Variants in PEBP4 observed in about 807,000 individuals in gnomAD.
PEBP4 encodes phosphatidylethanolamine-binding protein 4.
A neutral mutation model predicts 23.9 loss-of-function variants in PEBP4; 22 were observed. That is an observed-to-expected ratio of 0.92 (90% confidence interval 0.66 to 1.31). The LOEUF is 1.31. Ranked by LOEUF, PEBP4 falls within the 40% of genes most tolerant of loss-of-function variation. PEBP4 has a pLI of 0.00. For synonymous variants in PEBP4, 112 were observed against 99.3 expected (o/e 1.13, Z -0.76); for missense variants, 324 against 281.7 (o/e 1.15, Z -1.07).
At chr8:22,729,207 G>A (rs1472846843) in intron 4 of PEBP4, among the ~76,000 whole-genome samples, 2 of 152,224 alleles carry the variant, frequency 1.3e-5, no homozygotes, top group African/African-American at 4.8e-5. Context: ...CTTGACAGAT[G>A]CCTAGCAGCC....
At chr8:22,852,750 G>A (rs984846096) in intron 3 of PEBP4, among the ~76,000 whole-genome samples, 8 of 151,782 alleles carry the variant, frequency 5.3e-5, no homozygotes, top group Non-Finnish European at 1.0e-4. Context: ...TAAATACATC[G>A]ATGAGGCATC....
intron 4 of PEBP4, among the ~76,000 whole-genome samples, chr8:22,794,740 T>C (rs1043607739): frequency 2.0e-4 from 30 of 152,224 alleles, no homozygotes; most frequent in African/African-American, 7.2e-4. Flanking sequence ...TTTTATGAGC[T>C]CAGATTGGTC....
chr8:22,713,260 A>AT lies in PEBP4; in HGVS notation c.*109dup, dbSNP rs768291538. ...GATACAAAGCACCAAGCCCTGGATG[A>AT]TTTTTTTTTTATTTGGAAAAGAAGG... On this transcript the variant is annotated 3_prime_UTR_variant, in exon 7 of 7. Coordinates refer to ENST00000256404, the MANE Select transcript of PEBP4 (RefSeq NM_144962.3). 9.7e-4 allele frequency: 1,289 copies of AT among 1,324,440 alleles called. 1 individual carries two copies. Among genetic ancestry groups the AT allele is most frequent in the Admixed American group, 3.4e-3 (105 of 30,648 alleles). 82.0% of individuals were successfully genotyped at this position (1,324,440 alleles called of 1,614,324 possible). A position where few individuals can be genotyped will look rare whatever the true frequency, so the allele number is the denominator to read the frequency against.
At chr8:22,860,417 C>T (rs1807752748) in intron 3 of PEBP4, among the ~76,000 whole-genome samples, 1 of 152,002 alleles carries the variant, frequency 6.6e-6, no homozygotes, top group African/African-American at 2.4e-5. Flanking sequence ...TGGCAACAAC[C>T]ATTCTGCTTT....
At chr8:22,919,885 G>C (rs1245373423) in intron 3 of PEBP4, among the ~76,000 whole-genome samples, 2 of 152,296 alleles carry the variant, frequency 1.3e-5, no homozygotes, top group East Asian at 3.9e-4. Context: ...ACCAGGCTTG[G>C]GGTCCCAGAT....
chr8:22,713,357 C>A lies in PEBP4; in HGVS notation c.*13G>T, dbSNP rs1207359914. ...GCAGTGTGGCCACATGCCCGGATGG[C>A]AAAGCCGGCTATCTAGCAGGCAGCT... On this transcript the variant is annotated 3_prime_UTR_variant, in exon 7 of 7. Transcript: ENST00000256404. 3 of 1,566,542 alleles carry A rather than the reference C, an allele frequency of 1.9e-6. No homozygotes were observed. The highest frequency in any genetic ancestry group is 2.6e-6 in the Non-Finnish European group (3 of 1,156,974).
chr8:22,936,760 C>A (rs1809546026), intron 1 of PEBP4, among the ~76,000 whole-genome samples: 1 of 152,118 alleles, frequency 6.6e-6, no homozygotes, highest in African/African-American at 2.4e-5. Context: ...ACAGCATAAC[C>A]AAGTGAGATT....
intron 3 of PEBP4, among the ~76,000 whole-genome samples, chr8:22,889,104 C>A (rs763237845): frequency 3.3e-5 from 5 of 152,222 alleles, no homozygotes; most frequent in Non-Finnish European, 7.3e-5. Flanking sequence ...CTGCCGGGCA[C>A]AATCTTCAAA....
At chr8:22,783,144 G>C (rs1041161239) in intron 4 of PEBP4, among the ~76,000 whole-genome samples, 110 of 152,104 alleles carry the variant, frequency 7.2e-4, no homozygotes, top group African/African-American at 2.6e-3. Context: ...GAGAGGGTTG[G>C]GGCAACCCAG....
chr8:22,801,732 A>G (rs987786882), intron 4 of PEBP4, among the ~76,000 whole-genome samples: 1 of 152,084 alleles, frequency 6.6e-6, no homozygotes, highest in Admixed American at 6.5e-5. Flanking sequence ...ACACACATGC[A>G]CACACATATG....
chr8:22,875,532 AT>A (rs1010393279), intron 3 of PEBP4, among the ~76,000 whole-genome samples: 1 of 151,790 alleles, frequency 6.6e-6, no homozygotes, highest in Non-Finnish European at 1.5e-5. Flanking sequence ...ACTCCTTTTT[AT>A]TTTTTTATTA....
chr8:22,925,045 G>C (rs1809294815), intron 2 of PEBP4: 1 of 985,230 alleles, frequency 1.0e-6, no homozygotes, highest in Admixed American at 6.1e-5. Context: ...AGCCGAGTGG[G>C]GATCTTGAGG....
chr8:22,725,054 C>T lies in PEBP4; in HGVS notation c.404-98G>A, dbSNP rs190045804. On this transcript the variant is annotated intron_variant, in intron 5 of 6. Coordinates refer to ENST00000256404, the MANE Select transcript of PEBP4 (RefSeq NM_144962.3). ...ATGGTCCTGCTGACCTCCCTGGGGC[C>T]CCAGATCAGCACTCGGCCCTGCAAA... is the stretch of plus-strand genomic sequence containing the variant. 4.5e-5 allele frequency: 38 copies of T among 845,732 alleles called. No individual in the cohort carries two copies. In the East Asian group the frequency reaches 8.6e-4, roughly 19 times the overall value. 52.4% of individuals were successfully genotyped at this position (845,732 alleles called of 1,614,324 possible). A position where few individuals can be genotyped will look rare whatever the true frequency, so the allele number is the denominator to read the frequency against.
intron 2 of PEBP4, among the ~76,000 whole-genome samples, chr8:22,924,228 G>A (rs939073104): frequency 2.0e-5 from 3 of 152,280 alleles, no homozygotes; most frequent in Non-Finnish European, 4.4e-5. Context: ...GCCAGGTGTG[G>A]TGGCGTGCAC....
intron 4 of PEBP4, among the ~76,000 whole-genome samples, chr8:22,730,944 C>T (rs1055437132): frequency 6.6e-6 from 1 of 152,188 alleles, no homozygotes; most frequent in African/African-American, 2.4e-5. Context: ...AGAGCTCCCT[C>T]ACACCTTCGG....
At chr8:22,863,939 C>T (rs998725443) in intron 3 of PEBP4, among the ~76,000 whole-genome samples, 19 of 152,142 alleles carry the variant, frequency 1.2e-4, no homozygotes, top group African/African-American at 4.1e-4. Context: ...ATGTCTGGTC[C>T]GGACTTTTAT....
At chr8:22,779,446 G>A (rs1457645415) in intron 4 of PEBP4, among the ~76,000 whole-genome samples, 1 of 152,172 alleles carries the variant, frequency 6.6e-6, no homozygotes, top group African/African-American at 2.4e-5. Flanking sequence ...GCGTCACGGA[G>A]GTCGCCAGGC....
rs1585313686 is a variant in PEBP4, at chr8:22,865,587, G to A, written c.259-47852C>T. ...AGCCGCCGGGGAAGGAATTCCCTCC[G>A]CCCGGGCGCACGCGGCCCCCCGCCC... On this transcript the variant is annotated intron_variant, in intron 3 of 6. Transcript: ENST00000256404. This position sits in a 1 kb window ranked among gnomAD's most constrained non-coding sequence, Gnocchi z 6.9. Among the ~76,000 whole-genome samples the A allele has an allele frequency of 6.6e-6, 1 of 152,184 alleles. No homozygotes were observed.
At chr8:22,818,263 A>T (rs922019658) in intron 3 of PEBP4, among the ~76,000 whole-genome samples, 5 of 152,190 alleles carry the variant, frequency 3.3e-5, no homozygotes, top group African/African-American at 1.2e-4. Context: ...AGAGCACAAG[A>T]CAGTAAGGTC....
Sources: allele counts gnomAD v4.1 joint callset (sites outside exome capture counted in the v4.1 genomes callset), GRCh38; gene constraint gnomAD v4.1.1; non-coding constraint Gnocchi (gnomAD v3.1); transcripts MANE v1.5; gene names NCBI Gene and HGNC (gene_info 2026-07-23, HGNC 2026-07-21).